Variants in ASCC3 observed in about 807,000 individuals in gnomAD.
The protein encoded by ASCC3 is ASC-1 complex subunit P200.
A neutral mutation model predicts 256.3 loss-of-function variants in ASCC3; 158 were observed. The ratio of observed to expected loss-of-function variants is 0.62; its 90% CI spans 0.54 to 0.70. The LOEUF is 0.70. Among genes scored for constraint, ASCC3 ranks in the 30% least tolerant of loss-of-function variants. The probability of loss-of-function intolerance (pLI) is 0.00; values close to 1 mark genes in which losing one functional copy is unlikely to be tolerated. For synonymous variants in ASCC3, 948 were observed against 883.4 expected (o/e 1.07, Z -1.30); for missense variants, 2,259 against 2,626.0 (o/e 0.86, Z 3.05).
chr6:100,773,127 T>A (rs1782021185), intron 8 of ASCC3, among the ~76,000 whole-genome samples: 1 of 152,168 alleles, frequency 6.6e-6, no homozygotes, highest in African/African-American at 2.4e-5. Context: ...GTAGAGCTAG[T>A]ATTTGAAGTC....
At chr6:100,523,001 T>C (rs904216210) in intron 37 of ASCC3, among the ~76,000 whole-genome samples, 1 of 146,908 alleles carries the variant, frequency 6.8e-6, no homozygotes, top group African/African-American at 2.5e-5. Flanking sequence ...GGAATGTGCA[T>C]ACTAGATAAA....
chr6:100,828,567 GTTCGGAGTTTC>G (rs1443027828), intron 4 of ASCC3, among the ~76,000 whole-genome samples: 5 of 152,270 alleles, frequency 3.3e-5, no homozygotes, highest in African/African-American at 1.2e-4. Context: ...GTTCCGATGT[GTTCGGAGTTTC>G]TTCCTTCTGG....
At chr6:100,856,386 T>A (rs1772941044) in intron 3 of ASCC3, 1 of 984,014 alleles carries the variant, frequency 1.0e-6, no homozygotes, top group Admixed American at 6.2e-5. Flanking sequence ...CTCACCATGA[T>A]AGCCAAACCT....
intron 10 of ASCC3, among the ~76,000 whole-genome samples, chr6:100,747,124 A>T (rs983584361): frequency 7.1e-6 from 1 of 140,562 alleles, no homozygotes; most frequent in African/African-American, 2.7e-5. Context: ...CACCAAAGAA[A>T]ACATATAGTT....
intron 8 of ASCC3, among the ~76,000 whole-genome samples, chr6:100,778,621 A>C (rs777446078): frequency 1.3e-5 from 2 of 152,138 alleles, no homozygotes; most frequent in Non-Finnish European, 2.9e-5. Flanking sequence ...ACTAGTCACA[A>C]GATTAAACTT....
chr6:100,540,120 G>A (rs1164708763), intron 37 of ASCC3, 43 bp downstream of exon 37: 2 of 1,532,626 alleles, frequency 1.3e-6, no homozygotes, highest in Admixed American at 1.7e-5. Context: ...GGGCAGGAAT[G>A]ATGGGAGAAA....
At chr6:100,705,531 C>T (rs1015307886) in intron 13 of ASCC3, among the ~76,000 whole-genome samples, 1 of 151,924 alleles carries the variant, frequency 6.6e-6, no homozygotes, top group South Asian at 2.1e-4. Flanking sequence ...TGGTTTGAAA[C>T]GTAGCTTCTC....
rs977900921 is a variant in ASCC3 at position 100,606,928 on chromosome 6, G to C, written c.4923+23C>G. The C allele has an allele frequency of 3.1e-6, 5 of 1,612,346 alleles. No homozygotes were observed. In the Admixed American group the frequency reaches 5.0e-5, roughly 16 times the overall value. On this transcript the variant is annotated intron_variant, in intron 31 of 41. Coordinates refer to ENST00000369162, the MANE Select transcript of ASCC3 (RefSeq NM_006828.4). ...ACTTTTAAGTTACATTTAAATATGT[G>C]TTCACTGGAGAAAAAAAAGTACCTG...
At chr6:100,833,915 T>C (rs530054599) in intron 4 of ASCC3, among the ~76,000 whole-genome samples, 1 of 152,076 alleles carries the variant, frequency 6.6e-6, no homozygotes, top group Non-Finnish European at 1.5e-5. Context: ...CCATCTTTAC[T>C]AAAAATACAA....
intron 13 of ASCC3, among the ~76,000 whole-genome samples, chr6:100,698,432 C>A (rs567417252): frequency 6.6e-6 from 1 of 152,108 alleles, no homozygotes; most frequent in African/African-American, 2.4e-5. Context: ...CAAAAATTTT[C>A]TCTGCTCTAA....
intron 36 of ASCC3, among the ~76,000 whole-genome samples, chr6:100,559,849 C>CAAA (rs35881747): frequency 6.8e-5 from 8 of 116,816 alleles, no homozygotes; most frequent in African/African-American, 1.9e-4. Flanking sequence ...GACTCCATCT[C>CAAA]AAAAAAAAAA....
chr6:100,761,088 C>A (rs1370856104), intron 10 of ASCC3, among the ~76,000 whole-genome samples: 1 of 152,072 alleles, frequency 6.6e-6, no homozygotes, highest in East Asian at 1.9e-4. Flanking sequence ...TTTAAAGAAG[C>A]CCAAGAGAAA....
intron 11 of ASCC3, among the ~76,000 whole-genome samples, chr6:100,724,992 T>C (rs1215502345): frequency 1.3e-5 from 2 of 151,942 alleles, no homozygotes; most frequent in African/African-American, 2.4e-5. Context: ...TGGCTGGAAG[T>C]ACAGACATGG....
intron 10 of ASCC3, among the ~76,000 whole-genome samples, chr6:100,730,521 C>A (rs538998771): frequency 3.3e-5 from 5 of 152,200 alleles, no homozygotes; most frequent in Admixed American, 2.0e-4. Context: ...TAGGTGTAGA[C>A]CAGGCAACAG....
chr6:100,673,292 T>C (rs1210030659), intron 14 of ASCC3, among the ~76,000 whole-genome samples: 1 of 152,092 alleles, frequency 6.6e-6, no homozygotes, highest in Admixed American at 6.6e-5. Context: ...ACATGAAATA[T>C]GTTTTTGATT....
intron 13 of ASCC3, among the ~76,000 whole-genome samples, chr6:100,706,734 T>C (rs1019867991): frequency 1.3e-5 from 2 of 152,060 alleles, no homozygotes; most frequent in African/African-American, 2.4e-5. Context: ...AACCTGCAAG[T>C]AGAAACCTTA....
intron 8 of ASCC3, among the ~76,000 whole-genome samples, chr6:100,786,947 A>G (rs910245595): frequency 1.3e-5 from 2 of 152,122 alleles, no homozygotes; most frequent in African/African-American, 4.8e-5. Flanking sequence ...TCTTTATCTT[A>G]CTTCATATTA....
rs369965344 is a variant in ASCC3, at chr6:100,682,085, G to C, written c.2152-2333C>G. Among the ~76,000 whole-genome samples, 6 of 151,992 alleles carry C rather than the reference G, an allele frequency of 3.9e-5. No individual in the cohort carries two copies. In the East Asian group the frequency reaches 5.8e-4, roughly 15 times the overall value. ...TGCAAATGGTAGGGACATTTCCATT[G>C]TAAGTTTCTTTTTAAAGAGCAAGGC... On this transcript the variant is annotated intron_variant, in intron 13 of 41. Transcript: ENST00000369162.
chr6:100,791,450 A>C (rs1259238511), intron 8 of ASCC3, among the ~76,000 whole-genome samples: 1 of 151,966 alleles, frequency 6.6e-6, no homozygotes, highest in African/African-American at 2.4e-5. Flanking sequence ...AAAAGTTGCA[A>C]CATGAAGTCA....
Sources: allele counts gnomAD v4.1 joint callset (sites outside exome capture counted in the v4.1 genomes callset), GRCh38; gene constraint gnomAD v4.1.1; transcripts MANE v1.5; gene names NCBI Gene and HGNC (gene_info 2026-07-23, HGNC 2026-07-21).